ATP6V1G1: variants seen among roughly 807,000 people sequenced by gnomAD.
ATP6V1G1 encodes the protein ATPase H+ transporting V1 subunit G1.
ATP6V1G1 carries 14 observed loss-of-function variants against 14.2 expected under a neutral mutation model. The observed-to-expected ratio is 0.99, with a 90% confidence interval of 0.65 to 1.55. ATP6V1G1 has a LOEUF of 1.55. Ranked by LOEUF, ATP6V1G1 falls within the 40% of genes most tolerant of loss-of-function variation. The pLI, the probability that ATP6V1G1 is intolerant of heterozygous loss-of-function variation, is 0.00. For synonymous variants in ATP6V1G1, 65 were observed against 53.3 expected, an observed-to-expected ratio of 1.22 and a Z score of -0.96; for missense variants, 137 against 146.4, an observed-to-expected ratio of 0.94 and a Z score of 0.33.
At chr9:114,596,304 C>T (rs892038119) in intron 2 of ATP6V1G1, among the ~76,000 whole-genome samples, 5 of 150,294 alleles carry the variant, frequency 3.3e-5, no homozygotes, top group Non-Finnish European at 5.9e-5. Flanking sequence ...AGGAGAATGG[C>T]GTGAACCCGG....
At chr9:114,594,143 C>T (rs948155206) in intron 2 of ATP6V1G1, among the ~76,000 whole-genome samples, 1 of 151,014 alleles carries the variant, frequency 6.6e-6, no homozygotes, top group Non-Finnish European at 1.5e-5. Flanking sequence ...GATCTCGGCT[C>T]ACTGCAACCT....
intron 1 of ATP6V1G1, 112 bp downstream of exon 1, chr9:114,588,032 A>T: frequency 1.7e-6 from 2 of 1,172,642 alleles, no homozygotes; most frequent in Non-Finnish European, 1.2e-6. Flanking sequence ...GCGTGCGTAT[A>T]GTCGCGGAAG....
intron 1 of ATP6V1G1, chr9:114,588,142 A>G: frequency 1.7e-6 from 1 of 590,010 alleles, no homozygotes; most frequent in Non-Finnish European, 3.0e-6. Context: ...GGAAACAATA[A>G]TGGGTTACCG....
At chr9:114,591,960 C>T (rs949822423) in intron 1 of ATP6V1G1, among the ~76,000 whole-genome samples, 6 of 152,166 alleles carry the variant, frequency 3.9e-5, no homozygotes, top group Admixed American at 2.0e-4. Context: ...ATACCTGTGT[C>T]TCCTCTTCTC....
intron 1 of ATP6V1G1, among the ~76,000 whole-genome samples, chr9:114,590,407 C>T (rs1462111487): frequency 6.6e-6 from 1 of 151,716 alleles, no homozygotes; most frequent in African/African-American, 2.4e-5. Context: ...CAGGTGCCTA[C>T]CACCATGCCC....
intron 2 of ATP6V1G1, among the ~76,000 whole-genome samples, chr9:114,595,688 T>G (rs998220340): frequency 1.3e-5 from 2 of 151,956 alleles, no homozygotes; most frequent in African/African-American, 2.4e-5. Flanking sequence ...TCAGGCACAG[T>G]GGTGCACACC....
intron 1 of ATP6V1G1, 58 bp downstream of exon 1, chr9:114,587,978 C>A: frequency 1.3e-6 from 2 of 1,537,134 alleles, no homozygotes; most frequent in Non-Finnish European, 1.8e-6. Context: ...ACCGCTGGGC[C>A]TCAGGTGGTG....
chr9:114,591,777 A>G (rs1589312844), intron 1 of ATP6V1G1, among the ~76,000 whole-genome samples: 1 of 152,140 alleles, frequency 6.6e-6, no homozygotes, highest in South Asian at 2.1e-4. Flanking sequence ...TTTGCTCTCA[A>G]ATAAATAGGT....
chr9:114,590,468 T>A (rs1421160302), intron 1 of ATP6V1G1, among the ~76,000 whole-genome samples: 2 of 151,814 alleles, frequency 1.3e-5, no homozygotes, highest in Non-Finnish European at 2.9e-5. Flanking sequence ...AATAAAAAAA[T>A]AAATTTTTGT....
chr9:114,592,782 G>C, intron 2 of ATP6V1G1, 130 bp downstream of exon 2: 1 of 865,178 alleles, frequency 1.2e-6, no homozygotes, highest in South Asian at 1.8e-5. Context: ...GTGTTTTATT[G>C]GCTGCTCAGG....
rs372130727 is a variant in ATP6V1G1 at position 114,597,546 on chromosome 9, C to G, written c.184-24C>G. 102 of 1,470,610 alleles carry G rather than the reference C, an allele frequency of 6.9e-5. No homozygotes were observed. The African/African-American group carries it at 1.4e-3, about 20-fold the overall frequency. The allele number at this position is 1,470,610 out of a possible 1,614,324, so 91.1% of individuals were successfully genotyped here. The stretch of plus-strand genomic sequence containing the variant: ...CAGAGCATTGTTCTGATAATCCCTC[C>G]GTGACATCACTCCCCATCTCCAGGC... On this transcript the variant is annotated intron_variant, in intron 2 of 2. Transcript: ENST00000374050.
chr9:114,591,228 G>T (rs1378484846), intron 1 of ATP6V1G1, among the ~76,000 whole-genome samples: 1 of 152,184 alleles, frequency 6.6e-6, no homozygotes, highest in African/African-American at 2.4e-5. Context: ...AAATATTTTT[G>T]ATTTTTAGAG....
At chr9:114,593,047 T>C (rs1845200765) in intron 2 of ATP6V1G1, among the ~76,000 whole-genome samples, 2 of 152,222 alleles carry the variant, frequency 1.3e-5, no homozygotes, top group South Asian at 4.1e-4. Context: ...GTGACGGTCA[T>C]AAACATAAAT....
chr9:114,587,798 T>G lies in ATP6V1G1; in HGVS notation c.-41T>G. 1 of 1,551,226 alleles carries G rather than the reference T, an allele frequency of 6.4e-7. No homozygotes were observed. ...CAGCTGACCCAAGGGGCCTTCGAGG[T>G]GCCTTAGGCCGCTTGCCTTGCTCTC... On this transcript the variant is annotated 5_prime_UTR_variant, in exon 1 of 3. Transcript: ENST00000374050.
At chr9:114,588,025 T>TGAG in intron 1 of ATP6V1G1, 105 bp downstream of exon 1, 1 of 1,237,364 alleles carries the variant, frequency 8.1e-7, no homozygotes, top group Non-Finnish European at 1.1e-6. Context: ...GGTGCGGGCG[T>TGAG]GCGTATAGTC....
chr9:114,590,424 A>G (rs926628300), intron 1 of ATP6V1G1, among the ~76,000 whole-genome samples: 1 of 151,558 alleles, frequency 6.6e-6, no homozygotes, highest in African/African-American at 2.4e-5. Context: ...GCCCATCTCT[A>G]CTAAAAATAC....
At chr9:114,596,243 C>G (rs1210988192) in intron 2 of ATP6V1G1, among the ~76,000 whole-genome samples, 2 of 152,030 alleles carry the variant, frequency 1.3e-5, no homozygotes, top group Non-Finnish European at 2.9e-5. Flanking sequence ...AAAAAATTAG[C>G]CGGGCGTGGT....
intron 2 of ATP6V1G1, among the ~76,000 whole-genome samples, chr9:114,594,196 A>T (rs1845211685): frequency 1.3e-5 from 2 of 151,654 alleles, no homozygotes; most frequent in South Asian, 4.2e-4. Flanking sequence ...CAACCTCCCG[A>T]GTAGCTGAAA....
At position 114,597,693 on chromosome 9, in the gene ATP6V1G1, G is replaced by A. The variant is rs765027930; in HGVS notation, c.307G>A (p.Val103Ile). The change falls in exon 3 of 3, where the codon GTC (valine) becomes ATC (isoleucine). Residue 103 changes from valine (V) to isoleucine (I), a missense_variant. Physicochemically the swap from Val to Ile is conservative, Grantham distance 29. Transcript: ENST00000374050. ...AGTCTTGGACAACCTCTTGGCTTTT[G>A]TCTGTGACATTCGGCCAGAAATCCA... ...DEVLDNLLAF[V>I]CDIRPEIHEN... 1.3e-6 allele frequency: 2 copies of A among 1,589,836 alleles called. No individual in the cohort carries two copies. The highest frequency in any genetic ancestry group is 2.3e-5 in the East Asian group (1 of 43,108).
Sources: gnomAD v4.1 joint callset for allele counts (sites outside exome capture counted in the v4.1 genomes callset) on GRCh38, gnomAD v4.1.1 for gene constraint, MANE v1.5 for transcripts, NCBI Gene and HGNC (gene_info 2026-07-23, HGNC 2026-07-21) for gene names.